PTPRO: variants seen among roughly 807,000 people sequenced by gnomAD.
PTPRO encodes protein tyrosine phosphatase receptor type O.
A neutral mutation model predicts 145.2 loss-of-function variants in PTPRO; 62 were observed. The ratio of observed to expected loss-of-function variants is 0.43; its 90% CI spans 0.35 to 0.53. The LOEUF (loss-of-function observed/expected upper bound fraction) is 0.53, where lower values mean the gene tolerates loss of function less well. Among genes scored for constraint, PTPRO ranks in the 20% least tolerant of loss-of-function variants. PTPRO has a pLI of 0.01. For missense variants in PTPRO, 1,345 were observed against 1,482.7 expected, an observed-to-expected ratio of 0.91 and a Z score of 1.53; for synonymous variants, 565 against 514.7, an observed-to-expected ratio of 1.10 and a Z score of -1.32.
intron 1 of PTPRO, among the ~76,000 whole-genome samples, chr12:15,435,210 A>G (rs1023504813): frequency 6.6e-6 from 1 of 152,234 alleles, no homozygotes; most frequent in Admixed American, 6.5e-5. Flanking sequence ...GATTGTAGCT[A>G]TCAAAAATAT....
chr12:15,552,903 G>T (rs984643623), intron 15 of PTPRO, among the ~76,000 whole-genome samples: 5 of 145,800 alleles, frequency 3.4e-5, no homozygotes, highest in Non-Finnish European at 7.4e-5. Flanking sequence ...AGGTTCAAGC[G>T]ATTCTTCTGC....
At chr12:15,579,997 C>G in intron 20 of PTPRO, 42 bp from the exon 21 acceptor site, 1 of 1,520,152 alleles carries the variant, frequency 6.6e-7, no homozygotes, top group Non-Finnish European at 9.1e-7. Flanking sequence ...ATTTTTCCTT[C>G]CATCTTGAAT....
intron 15 of PTPRO, among the ~76,000 whole-genome samples, chr12:15,556,247 C>T (rs1943621369): frequency 6.6e-6 from 1 of 152,064 alleles, no homozygotes; most frequent in Admixed American, 6.5e-5. Context: ...TTATAATACA[C>T]TATGATATTA....
chr12:15,324,853 T>C (rs1270336912), intron 1 of PTPRO, among the ~76,000 whole-genome samples: 1 of 152,184 alleles, frequency 6.6e-6, no homozygotes, highest in African/African-American at 2.4e-5. Context: ...CAGTGTAATA[T>C]CTTACATTTA....
chr12:15,581,955 C>T (rs915743056), intron 23 of PTPRO, among the ~76,000 whole-genome samples, 154 bp downstream of exon 23: 2 of 152,120 alleles, frequency 1.3e-5, no homozygotes, highest in African/African-American at 4.8e-5. Flanking sequence ...GGTCTCACAG[C>T]TTTAAGAGCT....
chr12:15,368,347 T>C (rs1391405611), intron 1 of PTPRO, among the ~76,000 whole-genome samples: 2 of 152,244 alleles, frequency 1.3e-5, no homozygotes, highest in African/African-American at 4.8e-5. Flanking sequence ...AGCCACTTTA[T>C]ATAAAGGTGT....
chr12:15,501,734 T>C lies in PTPRO; in HGVS notation c.776T>C (p.Ile259Thr), dbSNP rs1309585113. 3.7e-6 allele frequency: 6 copies of C among 1,613,786 alleles called. No individual in the cohort carries two copies. The highest frequency in any genetic ancestry group is 1.6e-4 in the Middle Eastern group (1 of 6,084). Reference protein sequence around the residue: ...EESFMRSQDTIGKEKLFHFTE... With the variant: ...EESFMRSQDTTGKEKLFHFTE... ...TCCTTCATGAGATCACAAGATACAA[T>C]AGGAAAAGAAAAACTCTTCCATTTT... The change falls in exon 5 of 27, where the codon ATA (isoleucine) becomes ACA (threonine). Residue 259 changes from isoleucine to threonine, a missense_variant. By Grantham distance (89) the Ile-to-Thr change is moderately conservative. Coordinates refer to ENST00000281171, the MANE Select transcript of PTPRO (RefSeq NM_030667.3).
chr12:15,428,752 G>C (rs569246510), intron 1 of PTPRO, among the ~76,000 whole-genome samples: 5 of 152,230 alleles, frequency 3.3e-5, no homozygotes, highest in Admixed American at 1.3e-4. Context: ...TCAGGAACTT[G>C]AGTTCATTCT....
intron 1 of PTPRO, among the ~76,000 whole-genome samples, chr12:15,478,886 TG>T (rs1183391661): frequency 6.6e-6 from 1 of 152,138 alleles, no homozygotes; most frequent in Non-Finnish European, 1.5e-5. Flanking sequence ...TTAGCCAGGA[TG>T]GTCTCAATCT....
chr12:15,441,849 A>G (rs1940775233), intron 1 of PTPRO, among the ~76,000 whole-genome samples: 10 of 152,140 alleles, frequency 6.6e-5, no homozygotes, highest in Admixed American at 4.6e-4. Flanking sequence ...CTGAAATTGA[A>G]TCAGTAATAA....
chr12:15,394,347 C>A (rs1287049581), intron 1 of PTPRO, among the ~76,000 whole-genome samples: 1 of 152,020 alleles, frequency 6.6e-6, no homozygotes, highest in Non-Finnish European at 1.5e-5. Context: ...GAGTAATCTG[C>A]TTTATTTCTC....
At chr12:15,517,040 C>T in intron 9 of PTPRO, 84 bp downstream of exon 9, 1 of 1,279,890 alleles carries the variant, frequency 7.8e-7, no homozygotes, top group Non-Finnish European at 1.1e-6. Context: ...AAGAAATTAT[C>T]TATAAATTTG....
chr12:15,394,244 A>T (rs984562), intron 1 of PTPRO, among the ~76,000 whole-genome samples: 1 of 152,008 alleles, frequency 6.6e-6, no homozygotes, highest in Admixed American at 6.6e-5. Flanking sequence ...TAAAATGATG[A>T]AAGTCCCAAA....
In PTPRO at chr12:15,586,893, A is replaced by G. The variant is rs1376865034; in HGVS notation, c.3256-4A>G. 2.5e-6 allele frequency: 4 copies of G among 1,613,954 alleles called. No homozygotes were observed. Among genetic ancestry groups the G allele is most frequent in the Non-Finnish European group, 3.4e-6 (4 of 1,179,920 alleles). The stretch of plus-strand genomic sequence containing the variant: ...ATGCTTGTTTTTGGCTTTTTTCTCT[A>G]AAGGCTGACGAGATGCAGGATGTGA... On this transcript the variant is annotated splice_region_variant and splice_polypyrimidine_tract_variant and intron_variant, in intron 23 of 26. Coordinates refer to ENST00000281171, the MANE Select transcript of PTPRO (RefSeq NM_030667.3).
chr12:15,358,771 T>C (rs1938079727), intron 1 of PTPRO, among the ~76,000 whole-genome samples: 1 of 152,228 alleles, frequency 6.6e-6, no homozygotes, highest in Admixed American at 6.5e-5. Flanking sequence ...ATGTTGCTGA[T>C]AAAATGTGAA....
At chr12:15,392,780 A>G (rs1185004058) in intron 1 of PTPRO, among the ~76,000 whole-genome samples, 1 of 151,548 alleles carries the variant, frequency 6.6e-6, no homozygotes, top group African/African-American at 2.4e-5. Flanking sequence ...TAGAACCTGC[A>G]TAGATATCTC....
intron 25 of PTPRO, among the ~76,000 whole-genome samples, chr12:15,593,990 T>C (rs1024365962): frequency 1.4e-4 from 21 of 152,304 alleles, no homozygotes; most frequent in Admixed American, 3.3e-4. Flanking sequence ...ACATAGTTTC[T>C]AACTTCCAGG....
At chr12:15,585,195 CAT>C (rs1262288492) in intron 23 of PTPRO, among the ~76,000 whole-genome samples, 11 of 152,210 alleles carry the variant, frequency 7.2e-5, no homozygotes, top group Non-Finnish European at 1.2e-4. Context: ...ACAATGTACA[CAT>C]GTTATACAAA....
chr12:15,389,655 T>C (rs527786577), intron 1 of PTPRO, among the ~76,000 whole-genome samples: 1 of 152,320 alleles, frequency 6.6e-6, no homozygotes, highest in South Asian at 2.1e-4. Flanking sequence ...CCCAATCCCA[T>C]CCTTTCACCT....
Sources: gnomAD v4.1 joint callset for allele counts (sites outside exome capture counted in the v4.1 genomes callset) on GRCh38, gnomAD v4.1.1 for gene constraint, MANE v1.5 for transcripts, NCBI Gene and HGNC (gene_info 2026-07-23, HGNC 2026-07-21) for gene names.